FRMPD4: variants seen among roughly 807,000 people sequenced by gnomAD.
FRMPD4 encodes the protein FERM and PDZ domain-containing protein 4.
Under a neutral mutation model 94.1 loss-of-function variants are expected in FRMPD4, and 22 were observed. That is an observed-to-expected ratio of 0.23 (90% CI 0.17 to 0.33). FRMPD4 has a LOEUF of 0.33. Ranked by LOEUF, FRMPD4 falls within the 10% of genes least tolerant of loss-of-function variation. The pLI is 1.00. For synonymous variants in FRMPD4, 631 were observed against 548.6 expected (o/e 1.15, Z -2.10); for missense variants, 1,111 against 1,339.9 (o/e 0.83, Z 2.67).
intron 1 of FRMPD4, among the ~76,000 whole-genome samples, chrX:12,339,406 T>G (rs779965183): frequency 8.9e-5 from 10 of 112,007 alleles, no homozygotes; most frequent in Non-Finnish European, 1.7e-4. Context: ...CTTTGCTTTT[T>G]ACATCTTTAA....
intron 1 of FRMPD4, among the ~76,000 whole-genome samples, chrX:12,497,586 T>C (rs1024639656): frequency 6.3e-5 from 7 of 110,906 alleles, no homozygotes; most frequent in Non-Finnish European, 1.3e-4. Context: ...GATAATCCTA[T>C]GGTGGCATTC....
At chrX:12,329,928 C>G (rs993277047) in intron 1 of FRMPD4, among the ~76,000 whole-genome samples, 5 of 108,916 alleles carry the variant, frequency 4.6e-5, no homozygotes, top group African/African-American at 1.7e-4. Context: ...AGTCAAAAAG[C>G]AGACCTCCGG....
At chrX:12,031,738 T>G (rs1732936524) in intron 3 of FRMPD4, among the ~76,000 whole-genome samples, 1 of 111,843 alleles carries the variant, frequency 8.9e-6, no homozygotes, top group South Asian at 3.8e-4. Flanking sequence ...TGTTGAATGC[T>G]TGTGTACAGG....
chrX:12,680,080 T>C (rs2059952217), intron 5 of FRMPD4, among the ~76,000 whole-genome samples: 1 of 112,099 alleles, frequency 8.9e-6, no homozygotes, highest in Admixed American at 9.5e-5. Flanking sequence ...TGCCCTTCAA[T>C]TTCAGAAATT....
chrX:12,258,585 G>A (rs759015989), intron 1 of FRMPD4, among the ~76,000 whole-genome samples: 1 of 111,296 alleles, frequency 9.0e-6, no homozygotes, highest in South Asian at 3.8e-4. Flanking sequence ...CTAAGACAAC[G>A]CCACTATTTG....
At chrX:12,532,160 G>C (rs1363992150) in intron 2 of FRMPD4, among the ~76,000 whole-genome samples, 4 of 112,225 alleles carry the variant, frequency 3.6e-5, no homozygotes, top group Non-Finnish European at 7.5e-5. Context: ...GGCAGCTCAA[G>C]TATCAACCCT....
At chrX:12,382,970 C>A (rs1274546349) in intron 1 of FRMPD4, among the ~76,000 whole-genome samples, 1 of 111,872 alleles carries the variant, frequency 8.9e-6, no homozygotes. Flanking sequence ...CCTAATTCAT[C>A]TTGTTTATAG....
intron 1 of FRMPD4, among the ~76,000 whole-genome samples, chrX:11,827,085 T>A (rs1012919946): frequency 6.2e-5 from 6 of 97,529 alleles, no homozygotes; most frequent in Admixed American, 1.1e-4. Context: ...TATATATATA[T>A]AAAATATATA....
intron 2 of FRMPD4, among the ~76,000 whole-genome samples, chrX:12,609,241 G>C (rs1344372787): frequency 9.0e-6 from 1 of 111,273 alleles, no homozygotes; most frequent in Non-Finnish European, 1.9e-5. Flanking sequence ...GCTGTCTCAG[G>C]GGTGGCAGAG....
intron 1 of FRMPD4, among the ~76,000 whole-genome samples, chrX:12,331,564 T>G (rs2147938820): frequency 1.1e-5 from 1 of 90,795 alleles, no homozygotes; most frequent in South Asian, 4.8e-4. Context: ...ACAATGAAAC[T>G]CATCTCACTT....
At chrX:12,710,683 G>A (rs759528228) in intron 14 of FRMPD4, 146 bp downstream of exon 14, 33 of 450,845 alleles carry the variant, frequency 7.3e-5, no homozygotes, top group African/African-American at 9.9e-5. Flanking sequence ...CAAGGCAGGC[G>A]GATCACGAGG....
rs1407870792 is a variant in FRMPD4 at position 12,717,763 on chromosome X, C to T, written c.2937C>T (p.Leu979=). ...TGGCTGCTAGGCCAGCAACCGACCTCCCGCCCAAAGTTGTGCCTTCCAAGC... is the reference window on the plus strand; with the variant it reads ...TGGCTGCTAGGCCAGCAACCGACCTTCCGCCCAAAGTTGTGCCTTCCAAGC... ...HALAARPATD[L]PPKVVPSKQL... is the part of the protein sequence containing the mutation. The change falls in exon 16 of 17, where the codon CTC becomes CTT. Residue 979 remains leucine (L), a synonymous_variant. Transcript: ENST00000675598. The T allele has an allele frequency of 1.4e-5, 17 of 1,210,639 alleles. No individual in the cohort carries two copies. The highest frequency in any genetic ancestry group is 1.8e-5 in the Non-Finnish European group (16 of 895,324).
chrX:12,382,917 A>G (rs756038400), intron 1 of FRMPD4, among the ~76,000 whole-genome samples: 2 of 112,358 alleles, frequency 1.8e-5, no homozygotes, highest in African/African-American at 6.5e-5. Context: ...GGCTGTAAAC[A>G]TAATAGGGAC....
intron 3 of FRMPD4, among the ~76,000 whole-genome samples, chrX:12,098,198 G>A (rs945963494): frequency 9.1e-6 from 1 of 110,348 alleles, no homozygotes; most frequent in African/African-American, 3.3e-5. Context: ...AAGCCAAAAG[G>A]TGATATAAGT....
At chrX:12,645,347 CTTTTTTTT>C (rs138817056) in intron 4 of FRMPD4, among the ~76,000 whole-genome samples, 783 of 55,636 alleles carry the variant, frequency 0.014, 16 homozygotes, top group African/African-American at 0.064. Flanking sequence ...CACTCTCACT[CTTTTTTTT>C]TTTTTTTTTT....
intron 2 of FRMPD4, among the ~76,000 whole-genome samples, chrX:12,503,311 T>G (rs1383914435): frequency 9.0e-6 from 1 of 111,724 alleles, no homozygotes; most frequent in Non-Finnish European, 1.9e-5. Context: ...GCTGGCTTCC[T>G]GGCCACCTTC....
At chrX:12,587,586 ATGT>A (rs200669496) in intron 2 of FRMPD4, among the ~76,000 whole-genome samples, 3,947 of 110,862 alleles carry the variant, frequency 0.036, 172 homozygotes, top group African/African-American at 0.12. Context: ...AGGATCATTC[ATGT>A]TGTAGTATGT....
chrX:11,963,016 G>T (rs1490913504), intron 3 of FRMPD4, among the ~76,000 whole-genome samples: 2 of 111,563 alleles, frequency 1.8e-5, no homozygotes, highest in Non-Finnish European at 3.8e-5. Context: ...CTAATAATAA[G>T]AATTTGTACT....
At chrX:11,839,319 T>A (rs1314931009) in intron 1 of FRMPD4, among the ~76,000 whole-genome samples, 1 of 111,946 alleles carries the variant, frequency 8.9e-6, no homozygotes, top group African/African-American at 3.2e-5. Context: ...GGTATCTTAT[T>A]GTGGTTTTTA....
Sources: allele counts gnomAD v4.1 joint callset (sites outside exome capture counted in the v4.1 genomes callset), GRCh38; gene constraint gnomAD v4.1.1; transcripts MANE v1.5; gene names NCBI Gene and HGNC (gene_info 2026-07-23, HGNC 2026-07-21).